Variants in JAKMIP2 observed in about 807,000 individuals in gnomAD.
The protein encoded by JAKMIP2 is janus kinase and microtubule interacting protein 2.
JAKMIP2 carries 25 observed loss-of-function variants against 115.0 expected under a neutral mutation model. The ratio of observed to expected loss-of-function variants is 0.22; its 90% CI spans 0.16 to 0.30. The LOEUF (loss-of-function observed/expected upper bound fraction) is 0.30. JAKMIP2 is among the 10% of genes least tolerant of loss of function. The probability of loss-of-function intolerance (pLI) is 1.00; values close to 1 mark genes in which losing one functional copy is unlikely to be tolerated. For missense variants in JAKMIP2, 642 were observed against 957.6 expected (o/e 0.67, Z 4.35); for synonymous variants, 334 against 343.6 (o/e 0.97, Z 0.31).
chr5:147,633,632 A>T (rs7715897), intron 12 of JAKMIP2, among the ~76,000 whole-genome samples: 9,073 of 151,838 alleles, frequency 0.06, 895 homozygotes, highest in African/African-American at 0.21. Flanking sequence ...CATGGATTTC[A>T]GTTAGCTGTG....
At chr5:147,636,366 T>C in intron 11 of JAKMIP2, 82 bp from the exon 12 acceptor site, 1 of 1,097,776 alleles carries the variant, frequency 9.1e-7, no homozygotes, top group South Asian at 1.3e-5. Context: ...TTGCCAGAGC[T>C]GCCTTCTCCC....
intron 1 of JAKMIP2, among the ~76,000 whole-genome samples, chr5:147,776,076 A>T (rs1755543747): frequency 1.3e-5 from 2 of 152,204 alleles, no homozygotes; most frequent in South Asian, 2.1e-4. Context: ...ATTCATATTT[A>T]AAAAAGAGGA....
intron 16 of JAKMIP2, 59 bp downstream of exon 16, chr5:147,628,692 G>A (rs183962551): frequency 1.6e-6 from 2 of 1,287,216 alleles, no homozygotes; most frequent in Admixed American, 1.7e-5. Context: ...ACCCTAGTCT[G>A]CTCGTTCAGT....
intron 19 of JAKMIP2, among the ~76,000 whole-genome samples, 190 bp from the exon 20 acceptor site, chr5:147,612,561 G>A (rs1248497176): frequency 6.6e-6 from 1 of 152,206 alleles, no homozygotes; most frequent in African/African-American, 2.4e-5. Flanking sequence ...TATGTTTGTG[G>A]TAGAAAATCA....
At chr5:147,698,968 C>T (rs1752217016) in intron 1 of JAKMIP2, among the ~76,000 whole-genome samples, 1 of 152,148 alleles carries the variant, frequency 6.6e-6, no homozygotes, top group African/African-American at 2.4e-5. Flanking sequence ...CTGGCTTGAA[C>T]CTCATTTATC....
intron 5 of JAKMIP2, among the ~76,000 whole-genome samples, chr5:147,647,395 GA>G (rs1221237105): frequency 6.6e-6 from 1 of 151,940 alleles, no homozygotes; most frequent in Non-Finnish European, 1.5e-5. Context: ...ACTCTTATAT[GA>G]ATAGCTCTAT....
chr5:147,700,153 A>G (rs1462200328), intron 1 of JAKMIP2, among the ~76,000 whole-genome samples: 1 of 152,190 alleles, frequency 6.6e-6, no homozygotes, highest in Non-Finnish European at 1.5e-5. Flanking sequence ...ACAGAAATAA[A>G]ATCAGACCAT....
chr5:147,737,521 T>C (rs1753971463), intron 1 of JAKMIP2, among the ~76,000 whole-genome samples: 1 of 152,194 alleles, frequency 6.6e-6, no homozygotes, highest in East Asian at 1.9e-4. Flanking sequence ...GTATACTTTC[T>C]GACAATGAAA....
intron 1 of JAKMIP2, among the ~76,000 whole-genome samples, chr5:147,709,847 C>T (rs1169874631): frequency 2.0e-5 from 3 of 152,122 alleles, no homozygotes; most frequent in Admixed American, 2.0e-4. Context: ...AAGATTCCAT[C>T]TCAAAAAAAA....
intron 1 of JAKMIP2, among the ~76,000 whole-genome samples, chr5:147,781,024 C>G (rs1755738165): frequency 6.6e-6 from 1 of 152,164 alleles, no homozygotes; most frequent in Admixed American, 6.5e-5. Context: ...CATCTTTAGT[C>G]TCCTGAACTG....
intron 1 of JAKMIP2, among the ~76,000 whole-genome samples, chr5:147,733,910 T>C (rs576153613): frequency 8.3e-4 from 127 of 152,304 alleles, no homozygotes; most frequent in African/African-American, 2.8e-3. Flanking sequence ...TTGTGAACAC[T>C]GCTGCAGTAA....
intron 12 of JAKMIP2, among the ~76,000 whole-genome samples, chr5:147,634,647 G>C (rs546287061): frequency 1.3e-5 from 2 of 152,100 alleles, no homozygotes; most frequent in Non-Finnish European, 2.9e-5. Context: ...TTATAGGGTC[G>C]CTTAACCTTC....
At chr5:147,620,767 A>G in intron 17 of JAKMIP2, 24 bp from the exon 18 acceptor site, 1 of 1,558,048 alleles carries the variant, frequency 6.4e-7, no homozygotes, top group Non-Finnish European at 8.9e-7. Context: ...CCATATTGAT[A>G]GAGTCAGCTT....
intron 1 of JAKMIP2, among the ~76,000 whole-genome samples, chr5:147,681,532 C>T: frequency 6.6e-6 from 1 of 152,136 alleles, no homozygotes; most frequent in East Asian, 1.9e-4. Context: ...ATATTTCTTA[C>T]AGCATTCATC....
intron 1 of JAKMIP2, among the ~76,000 whole-genome samples, chr5:147,722,363 C>T (rs1432741874): frequency 1.3e-5 from 2 of 152,126 alleles, no homozygotes; most frequent in East Asian, 1.9e-4. Context: ...CTCCTTTTAA[C>T]TCCCCTTCCC....
intron 1 of JAKMIP2, among the ~76,000 whole-genome samples, chr5:147,695,919 C>T (rs374823904): frequency 2.1e-4 from 32 of 152,196 alleles, no homozygotes; most frequent in East Asian, 1.9e-3. Flanking sequence ...TTAAAGCCCA[C>T]AAAGATGAAG....
chr5:147,764,816 G>A (rs763291547), intron 1 of JAKMIP2, among the ~76,000 whole-genome samples: 99 of 150,080 alleles, frequency 6.6e-4, no homozygotes, highest in Non-Finnish European at 1.0e-3. Context: ...AACCCAGGAG[G>A]CAGAGGTTGC....
rs923103697 is a variant in JAKMIP2 at position 147,607,632 on chromosome 5, T to TTTG, written c.2412+4671_2412+4673dup. Among the ~76,000 whole-genome samples, 19 of 152,056 alleles carry TTTG rather than the reference T, an allele frequency of 1.2e-4. 1 individual carries two copies. Among genetic ancestry groups the TTTG allele is most frequent in the East Asian group, 3.9e-4 (2 of 5,190 alleles). On this transcript the variant is annotated intron_variant, in intron 20 of 21. Coordinates refer to ENST00000616793, the MANE Select transcript of JAKMIP2 (RefSeq NM_001270941.2). ...CTCATCAGGGATACTGGCCTGAAAT[T>TTTG]TTGTTGTTGTTGTTGTGTCTCTGCC...
chr5:147,728,353 G>C (rs1753599123), intron 1 of JAKMIP2, among the ~76,000 whole-genome samples: 1 of 152,094 alleles, frequency 6.6e-6, no homozygotes, highest in Non-Finnish European at 1.5e-5. Flanking sequence ...TAAAATGCAT[G>C]GTAAAATCTT....
Sources: allele counts gnomAD v4.1 joint callset (sites outside exome capture counted in the v4.1 genomes callset), GRCh38; gene constraint gnomAD v4.1.1; transcripts MANE v1.5; gene names NCBI Gene and HGNC (gene_info 2026-07-23, HGNC 2026-07-21).